Variants in ARHGEF26 observed in about 807,000 individuals in gnomAD.
The protein encoded by ARHGEF26 is Rho guanine nucleotide exchange factor (GEF) 26.
ARHGEF26 carries 59 observed loss-of-function variants against 89.4 expected under a neutral mutation model. The ratio of observed to expected loss-of-function variants is 0.66; its 90% confidence interval spans 0.54 to 0.82. ARHGEF26 has a LOEUF of 0.82. ARHGEF26 is among the 40% of genes least tolerant of loss of function. The pLI is 0.00. For missense variants in ARHGEF26, 1,234 were observed against 1,085.6 expected, an observed-to-expected ratio of 1.14 and a Z score of -1.92; for synonymous variants, 500 against 428.4, an observed-to-expected ratio of 1.17 and a Z score of -2.06.
intron 6 of ARHGEF26, among the ~76,000 whole-genome samples, chr3:154,175,987 A>T (rs1712794809): frequency 6.6e-6 from 1 of 152,316 alleles, no homozygotes; most frequent in Admixed American, 6.5e-5. Context: ...GTGCCAGGGC[A>T]TTTTGGGGCT....
chr3:154,129,798 C>G, intron 4 of ARHGEF26, 79 bp downstream of exon 4: 1 of 1,458,310 alleles, frequency 6.9e-7, no homozygotes, highest in African/African-American at 1.4e-5. Context: ...GGCTTTTGTT[C>G]TTTTCTGCCA....
chr3:154,212,156 T>C (rs1221879620), intron 9 of ARHGEF26, among the ~76,000 whole-genome samples: 1 of 151,908 alleles, frequency 6.6e-6, no homozygotes, highest in African/African-American at 2.4e-5. Flanking sequence ...CTGGGCAACA[T>C]AGTGAGACCT....
chr3:154,247,278 A>T (rs939031076), intron 12 of ARHGEF26, among the ~76,000 whole-genome samples: 1 of 152,134 alleles, frequency 6.6e-6, no homozygotes, highest in African/African-American at 2.4e-5. Flanking sequence ...CATTTCTGTA[A>T]ATGGTACTAT....
At chr3:154,141,747 G>A (rs931883710) in intron 4 of ARHGEF26, among the ~76,000 whole-genome samples, 1 of 152,150 alleles carries the variant, frequency 6.6e-6, no homozygotes, top group Non-Finnish European at 1.5e-5. Context: ...ATTTTACAAG[G>A]CAGGAGTTAC....
intron 10 of ARHGEF26, among the ~76,000 whole-genome samples, chr3:154,220,014 G>A (rs762349418): frequency 1.1e-4 from 17 of 152,114 alleles, no homozygotes; most frequent in Non-Finnish European, 2.2e-4. Flanking sequence ...AAATATTTGC[G>A]AGCATAAAGT....
chr3:154,248,563 C>G (rs1000533502), intron 12 of ARHGEF26, among the ~76,000 whole-genome samples: 62 of 151,884 alleles, frequency 4.1e-4, no homozygotes, highest in African/African-American at 1.5e-3. Context: ...TTATCTAGTG[C>G]CTGTCAAAGG....
chr3:154,188,315 T>C (rs1713722606), intron 7 of ARHGEF26, among the ~76,000 whole-genome samples: 1 of 152,116 alleles, frequency 6.6e-6, no homozygotes, highest in Non-Finnish European at 1.5e-5. Flanking sequence ...CCCACTTGGG[T>C]AGTTAGAGTT....
rs551836143 is a variant in ARHGEF26 at position 154,257,017 on chromosome 3, A to G, written c.*1544A>G. 5 of 1,483,480 alleles carry G rather than the reference A, an allele frequency of 3.4e-6. No homozygotes were observed. Among genetic ancestry groups the G allele is most frequent in the South Asian group, 2.7e-5 (2 of 73,770 alleles). The allele number at this position is 1,483,480 out of a possible 1,614,324, so 91.9% of individuals were successfully genotyped here. On this transcript the variant is annotated 3_prime_UTR_variant, in exon 15 of 15. Transcript: ENST00000465093. ...AGGGATAAAACCTGGCAAAGTGTAC[A>G]TTATTGGAGGACTCAAATCTGTATG... is the stretch of plus-strand genomic sequence containing the variant.
chr3:154,226,433 C>G (rs1382975505), intron 11 of ARHGEF26, among the ~76,000 whole-genome samples: 1 of 152,136 alleles, frequency 6.6e-6, no homozygotes, highest in Non-Finnish European at 1.5e-5. Flanking sequence ...TTAAAATGCA[C>G]TGCTTTTAAT....
chr3:154,228,295 G>A (rs1277688505), intron 11 of ARHGEF26, among the ~76,000 whole-genome samples: 2 of 151,796 alleles, frequency 1.3e-5, no homozygotes, highest in African/African-American at 4.8e-5. Context: ...GCGCCACCAT[G>A]CCTGGCTAAT....
chr3:154,137,225 T>C (rs1468049144), intron 4 of ARHGEF26, among the ~76,000 whole-genome samples: 6 of 152,176 alleles, frequency 3.9e-5, no homozygotes, highest in African/African-American at 7.2e-5. Flanking sequence ...AATGGATTAA[T>C]GAATTATCAT....
Position 154,256,411 on chromosome 3 carries a change from CAG to C in ARHGEF26, c.*939_*940del. 1 of 762,334 alleles carries C rather than the reference CAG, an allele frequency of 1.3e-6. No homozygotes were observed. The highest frequency in any genetic ancestry group is 1.6e-6 in the Non-Finnish European group (1 of 627,984). The allele number at this position is 762,334 out of a possible 1,614,324, so 47.2% of individuals were successfully genotyped here. A position where few individuals can be genotyped will look rare whatever the true frequency, so the allele number is the denominator to read the frequency against. ...CTACTTTTTGTATTTTTAGTAGAGA[CAG>C]GGTTTCATCATGTTGGCCAGGATGG... On this transcript the variant is annotated 3_prime_UTR_variant, in exon 15 of 15. Transcript: ENST00000465093.
At chr3:154,147,082 AC>A (rs1474354449) in intron 4 of ARHGEF26, among the ~76,000 whole-genome samples, 2 of 152,216 alleles carry the variant, frequency 1.3e-5, no homozygotes, top group Non-Finnish European at 2.9e-5. Flanking sequence ...TCCCATTTGT[AC>A]CCAGCTGAAG....
In ARHGEF26 at chr3:154,225,900, T is replaced by G; in HGVS notation, c.1980T>G (p.Gly660=). Residue 660 remains glycine (G), a synonymous_variant, in exon 11 of 15, where the codon GGT becomes GGG. Coordinates refer to ENST00000465093, the MANE Select transcript of ARHGEF26 (RefSeq NM_015595.4). The stretch of plus-strand genomic sequence containing the variant: ...CTTCCCGGTGGTTGGTAAAAAGAGG[T>G]GAATTGACAGCCTATGTTGAAGACA... ...VSSSRWLVKR[G]ELTAYVEDTV... is the part of the protein sequence containing the mutation. The G allele has an allele frequency of 2.5e-6, 4 of 1,610,288 alleles. No homozygotes were observed. Among genetic ancestry groups the G allele is most frequent in the Non-Finnish European group, 3.4e-6 (4 of 1,178,184 alleles).
At chr3:154,210,784 A>G (rs866506099) in intron 9 of ARHGEF26, among the ~76,000 whole-genome samples, 42 of 151,614 alleles carry the variant, frequency 2.8e-4, no homozygotes, top group Non-Finnish European at 4.7e-4. Context: ...TCTACTAAAA[A>G]TACAAAAAAT....
intron 6 of ARHGEF26, among the ~76,000 whole-genome samples, chr3:154,160,219 C>G (rs1209605081): frequency 6.6e-6 from 1 of 152,128 alleles, no homozygotes; most frequent in Non-Finnish European, 1.5e-5. Flanking sequence ...CAAAGTAAGT[C>G]TACGTGAGTA....
At chr3:154,237,398 C>G (rs565938144) in intron 11 of ARHGEF26, among the ~76,000 whole-genome samples, 42 of 152,052 alleles carry the variant, frequency 2.8e-4, no homozygotes, top group Middle Eastern at 3.4e-3. Context: ...AAAAATTAAC[C>G]AGGCATGGTG....
chr3:154,252,132 T>C lies in ARHGEF26; in HGVS notation c.2301-984T>C, dbSNP rs182840360. The stretch of plus-strand genomic sequence containing the variant: ...AAGCATCTGTAGATTCAGGCTGCTA[T>C]GAGAGAAGAGTTTTTTTCCCCAGGT... On this transcript the variant is annotated intron_variant, in intron 12 of 14. Coordinates refer to ENST00000465093, the MANE Select transcript of ARHGEF26 (RefSeq NM_015595.4). Among the ~76,000 whole-genome samples the C allele has an allele frequency of 2.4e-3, 369 of 152,272 alleles. 3 individuals are homozygous for C. Among genetic ancestry groups the C allele is most frequent in the African/African-American group, 8.6e-3 (356 of 41,546 alleles).
At position 154,225,882 on chromosome 3, in the gene ARHGEF26, G is replaced by A. The variant is rs758852366; in HGVS notation, c.1962G>A (p.Arg654=). ...CTTTTCCTTTAGTCTCCTCTTCCCG[G>A]TGGTTGGTAAAAAGAGGTGAATTGA... ...IKPFPLVSSS[R]WLVKRGELTA... is the part of the protein sequence containing the mutation. The change falls in exon 11 of 15, where the codon CGG becomes CGA. Residue 654 remains arginine (R), a synonymous_variant. Coordinates refer to ENST00000465093, the MANE Select transcript of ARHGEF26 (RefSeq NM_015595.4). 3 of 1,607,934 alleles carry A rather than the reference G, an allele frequency of 1.9e-6. No individual in the cohort carries two copies. Among genetic ancestry groups the A allele is most frequent in the Non-Finnish European group, 2.5e-6 (3 of 1,177,224 alleles).
Sources: gnomAD v4.1 joint callset for allele counts (sites outside exome capture counted in the v4.1 genomes callset) on GRCh38, gnomAD v4.1.1 for gene constraint, MANE v1.5 for transcripts, NCBI Gene and HGNC (gene_info 2026-07-23, HGNC 2026-07-21) for gene names.